The following PSD3 variants were observed in gnomAD, a reference collection of about 807,000 sequenced individuals.
The protein encoded by PSD3 is PH and SEC7 domain-containing protein 3.
A neutral mutation model predicts 105.5 loss-of-function variants in PSD3; 49 were observed. That is an observed-to-expected ratio of 0.46 (90% CI 0.37 to 0.59). PSD3 has a LOEUF of 0.59. Ranked by LOEUF, PSD3 falls within the 20% of genes least tolerant of loss-of-function variation. The probability of loss-of-function intolerance (pLI) is 0.00; values close to 1 mark genes in which losing one functional copy is unlikely to be tolerated. For synonymous variants in PSD3, 557 were observed against 457.8 expected (o/e 1.22, Z -2.77); for missense variants, 1,561 against 1,263.8 (o/e 1.24, Z -3.57).
At chr8:19,006,920 G>T (rs2129475003) in intron 1 of PSD3, among the ~76,000 whole-genome samples, 1 of 152,052 alleles carries the variant, frequency 6.6e-6, no homozygotes, top group South Asian at 2.1e-4. Context: ...ATTCAAAGAG[G>T]GCTAGAAATT....
intron 10 of PSD3, among the ~76,000 whole-genome samples, chr8:18,652,210 G>A (rs1808537092): frequency 6.6e-6 from 1 of 152,108 alleles, no homozygotes; most frequent in African/African-American, 2.4e-5. Context: ...GCAGGAAAAT[G>A]CAAACACTGA....
chr8:18,819,650 C>G (rs953395432), intron 4 of PSD3, among the ~76,000 whole-genome samples: 1 of 130,444 alleles, frequency 7.7e-6, no homozygotes, highest in Admixed American at 9.2e-5. Flanking sequence ...GCAATCTTGG[C>G]TCACTGCAAC....
At chr8:18,566,201 C>A (rs1801736897) in intron 14 of PSD3, among the ~76,000 whole-genome samples, 3 of 152,088 alleles carry the variant, frequency 2.0e-5, no homozygotes, top group Admixed American at 2.0e-4. Context: ...AACCTTATGA[C>A]TCGGCAAAGA....
chr8:18,586,082 A>T (rs1414002616), intron 12 of PSD3, among the ~76,000 whole-genome samples: 3 of 152,136 alleles, frequency 2.0e-5, no homozygotes, highest in Admixed American at 6.6e-5. Flanking sequence ...CACTGTGCCC[A>T]TGTGTTCAGG....
At chr8:18,749,153 G>A (rs1274287021) in intron 9 of PSD3, among the ~76,000 whole-genome samples, 1 of 152,090 alleles carries the variant, frequency 6.6e-6, no homozygotes, top group East Asian at 1.9e-4. Flanking sequence ...TCTGATGTTA[G>A]GAGCCTGAAT....
chr8:18,874,166 T>C (rs547061776), intron 2 of PSD3, among the ~76,000 whole-genome samples: 1 of 152,094 alleles, frequency 6.6e-6, no homozygotes, highest in African/African-American at 2.4e-5. Context: ...TTTTATTTTA[T>C]TTTATTTATT....
At chr8:18,620,901 G>A (rs1196082642) in intron 11 of PSD3, among the ~76,000 whole-genome samples, 1 of 152,116 alleles carries the variant, frequency 6.6e-6, no homozygotes, top group African/African-American at 2.4e-5. Flanking sequence ...CCACAACAGG[G>A]ATGGAAGAAT....
At chr8:18,974,317 C>T (rs936699978) in intron 1 of PSD3, among the ~76,000 whole-genome samples, 56 of 152,144 alleles carry the variant, frequency 3.7e-4, no homozygotes, top group African/African-American at 1.3e-3. Context: ...ATTTCAAATG[C>T]AAATCTTTTA....
At chr8:18,945,042 T>C (rs1468454220) in intron 1 of PSD3, among the ~76,000 whole-genome samples, 1 of 151,820 alleles carries the variant, frequency 6.6e-6, no homozygotes, top group East Asian at 1.9e-4. Flanking sequence ...TAGCTGCTTA[T>C]AGGTCAGCTA....
intron 1 of PSD3, among the ~76,000 whole-genome samples, chr8:19,076,177 G>A (rs1829458536): frequency 2.6e-5 from 4 of 152,174 alleles, no homozygotes. Flanking sequence ...GATTGAGGAT[G>A]AGAAAAGTAA....
rs1822110030 is a variant in PSD3 at position 18,936,046 on chromosome 8, C to T, written c.118G>A (p.Ala40Thr). 1 of 1,606,658 alleles carries T rather than the reference C, an allele frequency of 6.2e-7. No homozygotes were observed. The highest frequency in any genetic ancestry group is 8.5e-7 in the Non-Finnish European group (1 of 1,173,858). The change falls in exon 2 of 16, where the codon GCT (alanine) becomes ACT (threonine). Residue 40 changes from alanine to threonine, a missense_variant. Ala to Thr is a moderately conservative substitution (Grantham distance 58). Coordinates refer to ENST00000327040, the MANE Select transcript of PSD3 (RefSeq NM_015310.4). ...AGGAAATACTTACTAGTATCTGGAG[C>T]TTTCCCTTCAGATCTGCCAAATAAA... ...EFLFGRSEGK[A>T]PDTSDHGGST...
intron 8 of PSD3, among the ~76,000 whole-genome samples, chr8:18,781,024 G>A (rs939343657): frequency 1.6e-4 from 24 of 151,820 alleles, no homozygotes; most frequent in African/African-American, 5.6e-4. Flanking sequence ...TCTTCCCCAG[G>A]TATAATATTT....
intron 15 of PSD3, among the ~76,000 whole-genome samples, chr8:18,538,773 C>G (rs1351166014): frequency 6.6e-6 from 1 of 152,198 alleles, no homozygotes; most frequent in African/African-American, 2.4e-5. Context: ...GCCATCTCAT[C>G]CACTCATTTT....
At chr8:18,538,234 G>C (rs1293967916) in intron 15 of PSD3, among the ~76,000 whole-genome samples, 1 of 152,202 alleles carries the variant, frequency 6.6e-6, no homozygotes, top group African/African-American at 2.4e-5. Context: ...GCAGTTTAAA[G>C]CATTACTAAA....
At chr8:18,799,762 G>C (rs1810520624) in intron 7 of PSD3, among the ~76,000 whole-genome samples, 1 of 152,144 alleles carries the variant, frequency 6.6e-6, no homozygotes, top group Admixed American at 6.6e-5. Flanking sequence ...TTACTGTTAG[G>C]TTAAAGTCAT....
At chr8:19,079,891 C>T (rs76406243) in intron 1 of PSD3, among the ~76,000 whole-genome samples, 5 of 136,534 alleles carry the variant, frequency 3.7e-5, no homozygotes, top group African/African-American at 8.1e-5. Context: ...AAGAAAATAG[C>T]TTTTTTTTTT....
intron 10 of PSD3, among the ~76,000 whole-genome samples, chr8:18,636,827 C>T (rs1238782786): frequency 2.0e-5 from 3 of 152,204 alleles, no homozygotes; most frequent in African/African-American, 7.2e-5. Flanking sequence ...ATATAGTACA[C>T]ATGATGTTCA....
At chr8:18,919,347 T>G (rs1820837775) in intron 2 of PSD3, among the ~76,000 whole-genome samples, 1 of 152,082 alleles carries the variant, frequency 6.6e-6, no homozygotes, top group Admixed American at 6.5e-5. Flanking sequence ...CCTTTCCTTT[T>G]TCTCTTTCTT....
At chr8:18,936,001 T>G (rs778170792) in intron 2 of PSD3, 33 bp downstream of exon 2, 2 of 1,388,522 alleles carry the variant, frequency 1.4e-6, no homozygotes, top group Non-Finnish European at 1.0e-6. Context: ...TTCATATAGT[T>G]TACCTGGGAG....
Sources: gnomAD v4.1 joint callset for allele counts (sites outside exome capture counted in the v4.1 genomes callset) on GRCh38, gnomAD v4.1.1 for gene constraint, MANE v1.5 for transcripts, NCBI Gene and HGNC (gene_info 2026-07-23, HGNC 2026-07-21) for gene names.